The following ZNF729 variants were observed in gnomAD, a reference collection of about 807,000 sequenced individuals.
ZNF729 encodes the protein zinc finger protein 729.
ZNF729 carries 15 observed loss-of-function variants against 12.2 expected under a neutral mutation model. The ratio of observed to expected loss-of-function variants is 1.23; its 90% CI spans 0.82 to 1.89. The LOEUF is 1.89. Among genes scored for constraint, ZNF729 ranks in the 40% most tolerant of loss-of-function variants. The probability of loss-of-function intolerance (pLI) is 0.00; values close to 1 mark genes in which losing one functional copy is unlikely to be tolerated. For synonymous variants in ZNF729, 492 were observed against 476.3 expected, an observed-to-expected ratio of 1.03 and a Z score of -0.43; for missense variants, 1,540 against 1,456.7, an observed-to-expected ratio of 1.06 and a Z score of -0.93.
chr19:22,301,619 A>G (rs73924811), intron 1 of ZNF729, among the ~76,000 whole-genome samples: 814 of 152,360 alleles, frequency 5.3e-3, no homozygotes, highest in African/African-American at 0.016. Flanking sequence ...CAACGTAGAG[A>G]TCTTAAATCT....
chr19:22,289,123 T>G (rs1304981658), intron 1 of ZNF729, among the ~76,000 whole-genome samples: 2 of 152,126 alleles, frequency 1.3e-5, no homozygotes, highest in Admixed American at 1.3e-4. Context: ...AATTGCATTT[T>G]GTTAGTAGGG....
In ZNF729 at chr19:22,295,038, T is replaced by TTGTGTGTGTGTGTGTGTG. The variant is rs71180536; in HGVS notation, c.30+8501_30+8518dup. Among the ~76,000 whole-genome samples the TTGTGTGTGTGTGTGTGTG allele has an allele frequency of 6.8e-4, 98 of 144,124 alleles. 1 individual carries two copies. Among genetic ancestry groups the TTGTGTGTGTGTGTGTGTG allele is most frequent in the African/African-American group, 2.4e-3 (92 of 38,934 alleles). 94.6% of individuals were successfully genotyped at this position (144,124 alleles called of 152,430 possible). The stretch of plus-strand genomic sequence containing the variant: ...TCTGGTTAGGTGTACTCCTAGATAT[T>TTGTGTGTGTGTGTGTGTG]TGTGTGTGTGTGTGTGTGTGTGTGT... On this transcript the variant is annotated intron_variant, in intron 1 of 3. Coordinates refer to ENST00000601693, the MANE Select transcript of ZNF729 (RefSeq NM_001242680.2).
intron 3 of ZNF729, 72 bp downstream of exon 3, chr19:22,304,855 A>C: frequency 6.8e-7 from 1 of 1,464,726 alleles, no homozygotes. Context: ...CAGTTCTCAA[A>C]ATGTGACCTG....
Position 22,293,923 on chromosome 19 carries a change from G to A in ZNF729, c.30+7368G>A, listed in dbSNP as rs184757775. Among the ~76,000 whole-genome samples the A allele has an allele frequency of 7.7e-4, 117 of 152,224 alleles. 1 individual carries two copies. The highest frequency in any genetic ancestry group is 7.7e-3 in the South Asian group (37 of 4,822). ...TATTTTATTTTATTCTATAGGTTTT[G>A]TGTTTACTCTGTTGATGGTTTCCAT... On this transcript the variant is annotated intron_variant, in intron 1 of 3. Transcript: ENST00000601693.
In ZNF729 at chr19:22,316,343, T is replaced by A. The variant is rs1452616018; in HGVS notation, c.2926T>A (p.Ser976Thr). ...CAECGKAFKQ[S>T]SHLTRHKAIH... ...AGAATGTGGCAAAGCTTTTAAGCAA[T>A]CCTCACATCTTACTAGACATAAAGC... Residue 976 changes from serine to threonine, a missense_variant, in exon 4 of 4, where the codon TCC becomes ACC. Transcript: ENST00000601693. 3 of 1,613,568 alleles carry A rather than the reference T, an allele frequency of 1.9e-6. No individual in the cohort carries two copies. The highest frequency in any genetic ancestry group is 2.7e-5 in the African/African-American group (2 of 74,918).
Position 22,293,342 on chromosome 19 carries a change from T to A in ZNF729, c.30+6787T>A, listed in dbSNP as rs572711656. Among the ~76,000 whole-genome samples the A allele has an allele frequency of 2.0e-4, 29 of 147,410 alleles. No individual in the cohort carries two copies. In the South Asian group the frequency reaches 4.6e-3, roughly 23 times the overall value. ...ATGGAATTACAGGGACTTGCCACCA[T>A]GCCCTGCTAATTTTTGTATTTTTAG... On this transcript the variant is annotated intron_variant, in intron 1 of 3. Transcript: ENST00000601693.
At chr19:22,289,630 G>A (rs567549255) in intron 1 of ZNF729, among the ~76,000 whole-genome samples, 1 of 152,168 alleles carries the variant, frequency 6.6e-6, no homozygotes, top group Admixed American at 6.5e-5. Flanking sequence ...CTTTTAGAAT[G>A]CTACCAGGGA....
intron 3 of ZNF729, among the ~76,000 whole-genome samples, chr19:22,310,487 A>G (rs777837190): frequency 3.3e-5 from 5 of 152,074 alleles, no homozygotes; most frequent in African/African-American, 1.2e-4. Context: ...ATTCCTTTCT[A>G]TGTGGTGTAT....
chr19:22,316,943 A>C lies in ZNF729; in HGVS notation c.3526A>C (p.Thr1176Pro). ...GKAFNQSSHL[T>P]RHKTIHTGEK... ...AGCCTTTAACCAGTCCTCACACCTT[A>C]CTAGACACAAAACAATTCATACTGG... is the stretch of plus-strand genomic sequence containing the variant. Residue 1176 changes from threonine to proline, a missense_variant, in exon 4 of 4, where the codon ACT becomes CCT. Thr to Pro is a conservative substitution (Grantham distance 38). Transcript: ENST00000601693. 6.2e-7 allele frequency: 1 copy of C among 1,613,224 alleles called. No individual in the cohort carries two copies. The highest frequency in any genetic ancestry group is 8.5e-7 in the Non-Finnish European group (1 of 1,179,998).
In ZNF729 at chr19:22,316,939, C is replaced by G. The variant is rs756113675; in HGVS notation, c.3522C>G (p.His1174Gln). The change falls in exon 4 of 4, where the codon CAC (histidine) becomes CAG (glutamine). Residue 1174 changes from histidine (H) to glutamine (Q), a missense_variant. Transcript: ENST00000601693. ...ECGKAFNQSS[H>Q]LTRHKTIHTG... is the part of the protein sequence containing the mutation. ...GCAAAGCCTTTAACCAGTCCTCACACCTTACTAGACACAAAACAATTCATA... is the reference window on the plus strand; with the variant it reads ...GCAAAGCCTTTAACCAGTCCTCACAGCTTACTAGACACAAAACAATTCATA... 70 of 1,612,866 alleles carry G rather than the reference C, an allele frequency of 4.3e-5. No homozygotes were observed. The African/African-American group carries it at 7.5e-4, about 17-fold the overall frequency.
At chr19:22,302,921 C>T (rs540301224) in intron 1 of ZNF729, among the ~76,000 whole-genome samples, 70 of 152,244 alleles carry the variant, frequency 4.6e-4, no homozygotes, top group African/African-American at 1.6e-3. Flanking sequence ...TCCAGAATAG[C>T]GTGCCACCAT....
intron 1 of ZNF729, among the ~76,000 whole-genome samples, chr19:22,292,325 T>G (rs1968166574): frequency 1.3e-5 from 2 of 152,238 alleles, no homozygotes; most frequent in African/African-American, 4.8e-5. Flanking sequence ...TTTGTAAGGA[T>G]AATGGTCTCC....
chr19:22,291,040 A>G (rs1968145317), intron 1 of ZNF729, among the ~76,000 whole-genome samples: 2 of 152,124 alleles, frequency 1.3e-5, no homozygotes, highest in Non-Finnish European at 1.5e-5. Context: ...CTGCAGTAAG[A>G]ACAATGTTGT....
rs574043271 is a variant in ZNF729 at position 22,315,173 on chromosome 19, G to A, written c.1756G>A (p.Ala586Thr). The stretch of plus-strand genomic sequence containing the variant: ...TGGCAAAGCTTTTAAGCATTTCTCA[G>A]CCCTCAGAAAACATAAGGTAATTCA... ...ECGKAFKHFS[A>T]LRKHKVIHTR... Residue 586 changes from alanine (A) to threonine (T), a missense_variant, in exon 4 of 4, where the codon GCC becomes ACC. Transcript: ENST00000601693. 109 of 1,610,378 alleles carry A rather than the reference G, an allele frequency of 6.8e-5. No individual in the cohort carries two copies. Among genetic ancestry groups the A allele is most frequent in the Non-Finnish European group, 8.2e-5 (97 of 1,179,212 alleles).
chr19:22,306,651 C>T (rs1012696665), intron 3 of ZNF729, among the ~76,000 whole-genome samples: 3 of 150,912 alleles, frequency 2.0e-5, no homozygotes, highest in African/African-American at 7.3e-5. Flanking sequence ...TGTAAAATAT[C>T]TTAAGATTAA....
intron 1 of ZNF729, among the ~76,000 whole-genome samples, chr19:22,295,483 C>T (rs1968218882): frequency 6.6e-6 from 1 of 151,570 alleles, no homozygotes; most frequent in South Asian, 2.1e-4. Flanking sequence ...CTCCGCCTCC[C>T]GTGTTCACGC....
intron 1 of ZNF729, among the ~76,000 whole-genome samples, chr19:22,295,038 T>TTTTG (rs377438567): frequency 6.9e-6 from 1 of 144,024 alleles, no homozygotes; most frequent in African/African-American, 2.6e-5. Context: ...TCCTAGATAT[T>TTTTG]TGTGTGTGTG....
At chr19:22,310,183 C>T (rs760641036) in intron 3 of ZNF729, among the ~76,000 whole-genome samples, 12 of 151,986 alleles carry the variant, frequency 7.9e-5, no homozygotes, top group Non-Finnish European at 2.9e-5. Context: ...TTCCTCTTTA[C>T]CAATTTCGAT....
intron 1 of ZNF729, 119 bp from the exon 2 acceptor site, chr19:22,303,639 T>G: frequency 1.1e-6 from 1 of 909,680 alleles, no homozygotes; most frequent in Non-Finnish European, 1.6e-6. Flanking sequence ...ATATGTTCGG[T>G]CATCCCTATA....
Sources: allele counts gnomAD v4.1 joint callset (sites outside exome capture counted in the v4.1 genomes callset), GRCh38; gene constraint gnomAD v4.1.1; transcripts MANE v1.5; gene names NCBI Gene and HGNC (gene_info 2026-07-23, HGNC 2026-07-21).